SRGAP3: variants seen among roughly 807,000 people sequenced by gnomAD.
SRGAP3 encodes SLIT-ROBO Rho GTPase activating protein 3, also known as SLIT-ROBO Rho GTPase-activating protein 3.
SRGAP3 carries 39 observed loss-of-function variants against 121.1 expected under a neutral mutation model. The observed-to-expected ratio is 0.32, with a 90% CI of 0.25 to 0.42. The LOEUF is 0.42. Ranked by LOEUF, SRGAP3 falls within the 10% of genes least tolerant of loss-of-function variation. SRGAP3 has a pLI of 1.00. For synonymous variants in SRGAP3, 601 were observed against 570.0 expected, an observed-to-expected ratio of 1.05 and a Z score of -0.77; for missense variants, 1,213 against 1,470.6, an observed-to-expected ratio of 0.82 and a Z score of 2.86.
intron 1 of SRGAP3, among the ~76,000 whole-genome samples, chr3:9,128,776 A>G (rs537978959): frequency 6.6e-6 from 1 of 152,372 alleles, no homozygotes; most frequent in South Asian, 2.1e-4. Flanking sequence ...AAGGAATGCT[A>G]CTGCTCCCAA....
At chr3:9,097,591 C>G (rs570596034) in intron 3 of SRGAP3, among the ~76,000 whole-genome samples, 2 of 152,204 alleles carry the variant, frequency 1.3e-5, no homozygotes, top group Admixed American at 1.3e-4. Flanking sequence ...TTCCGTCTCC[C>G]ACCTTCCCCA....
intron 3 of SRGAP3, among the ~76,000 whole-genome samples, chr3:9,316,747 C>T (rs950183193): frequency 1.3e-5 from 2 of 152,150 alleles, no homozygotes; most frequent in Admixed American, 1.3e-4. Flanking sequence ...TGAAGGAATG[C>T]ATCACATATA....
chr3:9,028,275 C>A, intron 12 of SRGAP3: 7 of 1,160,102 alleles, frequency 6.0e-6, no homozygotes, highest in Middle Eastern at 2.0e-4. Context: ...GGGAGCCTGC[C>A]AAACAGCCGG....
At chr3:9,032,583 G>A (rs1451194917) in intron 12 of SRGAP3, 67 bp downstream of exon 12, 2 of 1,404,966 alleles carry the variant, frequency 1.4e-6, no homozygotes, top group Non-Finnish European at 9.8e-7. Context: ...CTGGCAGGGA[G>A]GCGGGCGGAC....
intron 1 of SRGAP3, among the ~76,000 whole-genome samples, chr3:9,355,064 A>G (rs567101494): frequency 6.6e-6 from 1 of 152,340 alleles, no homozygotes; most frequent in Admixed American, 6.5e-5. Flanking sequence ...TTACTTTGTG[A>G]CAGTTTAGCC....
At chr3:9,280,859 T>C (rs545519406) in intron 3 of SRGAP3, among the ~76,000 whole-genome samples, 2 of 152,284 alleles carry the variant, frequency 1.3e-5, no homozygotes, top group Middle Eastern at 3.4e-3. Flanking sequence ...ATAGTAACTA[T>C]GGCAACGCAA....
chr3:9,117,336 A>G (rs973404397), intron 2 of SRGAP3, among the ~76,000 whole-genome samples: 1 of 152,264 alleles, frequency 6.6e-6, no homozygotes, highest in African/African-American at 2.4e-5. Flanking sequence ...TGTGAAAAAA[A>G]TCCTGTGATG....
At chr3:9,210,992 T>A (rs983363206) in intron 1 of SRGAP3, among the ~76,000 whole-genome samples, 1 of 152,192 alleles carries the variant, frequency 6.6e-6, no homozygotes, top group African/African-American at 2.4e-5. Flanking sequence ...GAGGATTATA[T>A]AACAAACAAG....
rs552011875 is a variant in SRGAP3, at chr3:9,297,774, T to C, written n.442+28236A>G. Among the ~76,000 whole-genome samples the C allele has an allele frequency of 2.4e-4, 36 of 152,118 alleles. No homozygotes were observed. The South Asian group carries it at 7.5e-3, about 32-fold the overall frequency. ...AGCTGGGCATTGTGGCGTGTGCCTG[T>C]AGTCCCAGCTACTCAGGAGGCTGAG... On this transcript the variant is annotated intron_variant and non_coding_transcript_variant, in intron 3 of 3. Transcript: ENST00000490889.
chr3:9,232,550 C>G (rs1480915824), intron 1 of SRGAP3, among the ~76,000 whole-genome samples: 3 of 152,152 alleles, frequency 2.0e-5, no homozygotes, highest in Admixed American at 6.5e-5. Context: ...CACATACACA[C>G]ACACACTTTG....
chr3:9,104,822 G>A lies in SRGAP3; in HGVS notation c.281C>T (p.Ser94Leu), dbSNP rs866459162. 2 of 1,614,102 alleles carry A rather than the reference G, an allele frequency of 1.2e-6. No homozygotes were observed. The highest frequency in any genetic ancestry group is 1.3e-5 in the African/African-American group (1 of 74,940). The change falls in exon 3 of 22, where the codon TCG (serine) becomes TTG (leucine). Residue 94 changes from serine (S) to leucine (L), a missense_variant. Ser to Leu is a moderately radical substitution (Grantham distance 145). Coordinates refer to ENST00000383836, the MANE Select transcript of SRGAP3 (RefSeq NM_014850.4). Reference protein sequence around the residue: ...HQFKKDQYLLSPVNCWYLVLH... With the variant: ...HQFKKDQYLLLPVNCWYLVLH... ...AACCAGATACCAACAGTTCACAGGC[G>A]AGAGGAGGTACTGGTCCTTCCTGTG... is the stretch of plus-strand genomic sequence containing the variant.
At chr3:9,102,073 C>T (rs113610915) in intron 3 of SRGAP3, among the ~76,000 whole-genome samples, 1,859 of 152,338 alleles carry the variant, frequency 0.012, 36 homozygotes, top group African/African-American at 0.042. Flanking sequence ...GCCTAGAAGC[C>T]GCTCCCATCT....
chr3:9,190,678 C>T (rs1154389), intron 1 of SRGAP3, among the ~76,000 whole-genome samples: 73,845 of 152,022 alleles, frequency 0.49, 18,350 homozygotes, highest in African/African-American at 0.57. Context: ...GGTCAGCTAT[C>T]TGGGGCCTGA....
chr3:9,215,386 C>T (rs1441476157), intron 1 of SRGAP3, among the ~76,000 whole-genome samples: 1 of 152,186 alleles, frequency 6.6e-6, no homozygotes, highest in Non-Finnish European at 1.5e-5. Flanking sequence ...TCTCAAGCCT[C>T]CCTCACTAGT....
At chr3:9,087,377 A>C (rs1345910354) in intron 3 of SRGAP3, among the ~76,000 whole-genome samples, 1 of 151,954 alleles carries the variant, frequency 6.6e-6, no homozygotes, top group African/African-American at 2.4e-5. Context: ...TGCCCAGAGA[A>C]GGGAATATAA....
chr3:9,216,152 G>A (rs150657902), intron 1 of SRGAP3, among the ~76,000 whole-genome samples: 54 of 152,296 alleles, frequency 3.5e-4, no homozygotes, highest in African/African-American at 1.3e-3. Flanking sequence ...GCACACTGCA[G>A]ATGTATCAGC....
chr3:9,075,998 C>T (rs1037084974), intron 4 of SRGAP3, among the ~76,000 whole-genome samples: 1 of 152,212 alleles, frequency 6.6e-6, no homozygotes, highest in Non-Finnish European at 1.5e-5. Context: ...GGGGGCCTTG[C>T]TTTTCTAACC....
intron 3 of SRGAP3, among the ~76,000 whole-genome samples, chr3:9,276,293 G>A (rs1348061938): frequency 6.6e-6 from 1 of 152,054 alleles, no homozygotes; most frequent in Admixed American, 6.6e-5. Context: ...TGACTAAGGG[G>A]TCCCCTAGTT....
chr3:9,274,443 A>G (rs2125262088), intron 3 of SRGAP3, among the ~76,000 whole-genome samples: 1 of 152,292 alleles, frequency 6.6e-6, no homozygotes, highest in East Asian at 1.9e-4. Context: ...AGCCAGGGCG[A>G]GTACTTTTGG....
Sources: allele counts gnomAD v4.1 joint callset (sites outside exome capture counted in the v4.1 genomes callset), GRCh38; gene constraint gnomAD v4.1.1; transcripts MANE v1.5; gene names NCBI Gene and HGNC (gene_info 2026-07-23, HGNC 2026-07-21).